The following LARGE1 variants were observed in gnomAD, a reference collection of about 807,000 sequenced individuals.
LARGE1 encodes xylosyl- and glucuronyltransferase LARGE1.
LARGE1 carries 43 observed loss-of-function variants against 87.6 expected under a neutral mutation model. That is an observed-to-expected ratio of 0.49 (90% CI 0.38 to 0.63). The LOEUF (loss-of-function observed/expected upper bound fraction) is 0.63, where lower values mean the gene tolerates loss of function less well. LARGE1 is among the 30% of genes least tolerant of loss of function. LARGE1 has a pLI of 0.00. For synonymous variants in LARGE1, 434 were observed against 394.6 expected, an observed-to-expected ratio of 1.10 and a Z score of -1.18; for missense variants, 802 against 1,000.2, an observed-to-expected ratio of 0.80 and a Z score of 2.67.
At chr22:33,150,721 T>C in the LARGE1 span, among the ~76,000 whole-genome samples, 44 of 152,184 alleles carry the variant, frequency 2.9e-4, no homozygotes, top group African/African-American at 9.9e-4. Flanking sequence ...CTCTACTAAA[T>C]TGTGTTTGCT....
intron 6 of LARGE1, among the ~76,000 whole-genome samples, chr22:33,546,895 T>A (rs2077375067): frequency 6.6e-6 from 1 of 152,192 alleles, no homozygotes; most frequent in Non-Finnish European, 1.5e-5. Flanking sequence ...ATCTTATCCA[T>A]TCTTACAAAC....
intron 1 of LARGE1, among the ~76,000 whole-genome samples, chr22:33,764,689 C>A (rs2283944): frequency 6.6e-6 from 1 of 151,972 alleles, no homozygotes; most frequent in East Asian, 1.9e-4. Flanking sequence ...ACCCGGGAGG[C>A]GGAGGTTACA....
intron 6 of LARGE1, among the ~76,000 whole-genome samples, chr22:33,540,030 G>C (rs1232311080): frequency 1.3e-5 from 2 of 152,110 alleles, no homozygotes; most frequent in Non-Finnish European, 2.9e-5. Context: ...CAGTGGCCTG[G>C]TGCACGGGGG....
At chr22:33,299,663 C>T (rs969962248) in intron 12 of LARGE1, among the ~76,000 whole-genome samples, 2 of 152,078 alleles carry the variant, frequency 1.3e-5, no homozygotes, top group African/African-American at 4.8e-5. Flanking sequence ...CCGCCATAGC[C>T]CCACAGGAGG....
chr22:33,285,329 C>T lies in LARGE1; in HGVS notation c.1731-1981G>A, dbSNP rs374770360. 2.0e-5 allele frequency among the ~76,000 whole-genome samples: 3 copies of T among 152,192 alleles called. No homozygotes were observed. In the East Asian group the frequency reaches 5.8e-4, roughly 29 times the overall value. On this transcript the variant is annotated intron_variant, in intron 12 of 14. Transcript: ENST00000397394. ...AAAGCAGCAGCCCTCCTTGGCCATACAACTGTCCATTGAAGGCCAGGCATG... is the reference window on the plus strand; with the variant it reads ...AAAGCAGCAGCCCTCCTTGGCCATATAACTGTCCATTGAAGGCCAGGCATG...
rs540428250 is a variant in LARGE1 at position 33,856,973 on chromosome 22, C to T, written c.-83+63022G>A. Among the ~76,000 whole-genome samples, 28 of 152,186 alleles carry T rather than the reference C, an allele frequency of 1.8e-4. 1 individual carries two copies. In the South Asian group the frequency reaches 5.8e-3, roughly 32 times the overall value. On this transcript the variant is annotated intron_variant, in intron 1 of 14. Coordinates refer to ENST00000397394, the MANE Select transcript of LARGE1 (RefSeq NM_133642.5). ...TGAGACAGAGTCTCGCTCTGTTGCC[C>T]AGGCTGGAATGCAGTGGCGTGATCT... is the stretch of plus-strand genomic sequence containing the variant.
intron 6 of LARGE1, among the ~76,000 whole-genome samples, chr22:33,521,551 C>T (rs1464075513): frequency 6.6e-6 from 1 of 152,172 alleles, no homozygotes; most frequent in Non-Finnish European, 1.5e-5. Flanking sequence ...CATACCATTA[C>T]ATTGGTCAAA....
At chr22:33,840,598 C>T (rs1333029760) in intron 1 of LARGE1, among the ~76,000 whole-genome samples, 1 of 152,050 alleles carries the variant, frequency 6.6e-6, no homozygotes, top group Admixed American at 6.6e-5. Flanking sequence ...TGCCCTCCTT[C>T]ATCTTTACAG....
At chr22:33,525,286 C>T (rs369683691) in intron 6 of LARGE1, among the ~76,000 whole-genome samples, 21 of 152,098 alleles carry the variant, frequency 1.4e-4, no homozygotes, top group Admixed American at 7.9e-4. Flanking sequence ...AAACTGCTTC[C>T]GCTGCAAATT....
In LARGE1 at chr22:33,304,430, G is replaced by C; in HGVS notation, c.1529C>G (p.Ala510Gly). 1 of 1,614,188 alleles carries C rather than the reference G, an allele frequency of 6.2e-7. No homozygotes were observed. Among genetic ancestry groups the C allele is most frequent in the Non-Finnish European group, 8.5e-7 (1 of 1,180,024 alleles). ...SLALYLSDAE[A>G]QQFLRYAQGS... is the part of the protein sequence containing the mutation. The stretch of plus-strand genomic sequence containing the variant: ...CTGTGCGTAGCGGAGGAACTGCTGG[G>C]CCTCGGCGTCTGACAGGTAGAGGGC... The change falls in exon 12 of 15, where the codon GCC (alanine) becomes GGC (glycine). Residue 510 changes from alanine to glycine, a missense_variant. Coordinates refer to ENST00000397394, the MANE Select transcript of LARGE1 (RefSeq NM_133642.5).
intron 2 of LARGE1, among the ~76,000 whole-genome samples, chr22:33,708,460 C>T (rs1230595503): frequency 2.0e-5 from 3 of 152,160 alleles, no homozygotes; most frequent in Non-Finnish European, 4.4e-5. Context: ...CATTTCATAC[C>T]TTCAGGTGAT....
At chr22:33,072,244 A>G in the LARGE1 span, among the ~76,000 whole-genome samples, 1 of 152,166 alleles carries the variant, frequency 6.6e-6, no homozygotes, top group Non-Finnish European at 1.5e-5. Context: ...GCTCTGTTTT[A>G]TTTTTGATGT....
chr22:33,574,349 A>G (rs1019493353), intron 5 of LARGE1, among the ~76,000 whole-genome samples: 1 of 152,308 alleles, frequency 6.6e-6, no homozygotes, highest in African/African-American at 2.4e-5. Context: ...TAGATTACTT[A>G]TAACACCTAA....
intron 7 of LARGE1, among the ~76,000 whole-genome samples, chr22:33,424,878 C>A (rs1426436930): frequency 1.3e-5 from 2 of 152,144 alleles, no homozygotes; most frequent in East Asian, 3.9e-4. Context: ...AATCCTAATT[C>A]CTAATGAGAC....
the LARGE1 span, among the ~76,000 whole-genome samples, chr22:33,133,021 C>T: frequency 1.3e-5 from 2 of 152,020 alleles, no homozygotes; most frequent in East Asian, 3.9e-4. Flanking sequence ...AGAAATTAGG[C>T]CTCCTTTATT....
At chr22:33,872,263 C>A (rs570781964) in intron 1 of LARGE1, among the ~76,000 whole-genome samples, 6 of 151,778 alleles carry the variant, frequency 4.0e-5, no homozygotes, top group Non-Finnish European at 8.8e-5. Flanking sequence ...GAAATGGGCA[C>A]GCCAGCATCC....
At chr22:33,195,972 A>G (rs1009468153) in intron 11 of LARGE1, among the ~76,000 whole-genome samples, 7 of 151,712 alleles carry the variant, frequency 4.6e-5, no homozygotes, top group Non-Finnish European at 8.8e-5. Context: ...GTTAGCCAGG[A>G]TGGTCTCGAT....
At chr22:33,679,752 G>A (rs112201607) in intron 2 of LARGE1, among the ~76,000 whole-genome samples, 1 of 152,298 alleles carries the variant, frequency 6.6e-6, no homozygotes, top group Non-Finnish European at 1.5e-5. Context: ...TGAGGCAGGA[G>A]AATTGCTTGA....
chr22:33,695,811 T>C (rs772719857), intron 2 of LARGE1, among the ~76,000 whole-genome samples: 3 of 152,194 alleles, frequency 2.0e-5, no homozygotes, highest in Admixed American at 6.5e-5. Flanking sequence ...TACTCCTATG[T>C]AACCCAAACA....
Sources: gnomAD v4.1 joint callset for allele counts (sites outside exome capture counted in the v4.1 genomes callset) on GRCh38, gnomAD v4.1.1 for gene constraint, MANE v1.5 for transcripts, NCBI Gene and HGNC (gene_info 2026-07-23, HGNC 2026-07-21) for gene names.